CDKAL1: variants seen among roughly 807,000 people sequenced by gnomAD.
The protein encoded by CDKAL1 is threonylcarbamoyladenosine tRNA methylthiotransferase.
A neutral mutation model predicts 68.2 loss-of-function variants in CDKAL1; 32 were observed. That is an observed-to-expected ratio of 0.47 (90% confidence interval 0.35 to 0.63). The LOEUF (loss-of-function observed/expected upper bound fraction) is 0.63. CDKAL1 is among the 30% of genes least tolerant of loss of function. The pLI, the probability that CDKAL1 is intolerant of heterozygous loss-of-function variation, is 0.00. For synonymous variants in CDKAL1, 234 were observed against 244.3 expected, an observed-to-expected ratio of 0.96 and a Z score of 0.39; for missense variants, 606 against 696.7, an observed-to-expected ratio of 0.87 and a Z score of 1.47.
intron 15 of CDKAL1, among the ~76,000 whole-genome samples, chr6:21,207,222 T>A (rs200322220): frequency 1.1e-5 from 1 of 91,634 alleles, no homozygotes; most frequent in South Asian, 2.6e-4. Context: ...CTACTTTAAA[T>A]TTTTTTTTTT....
At chr6:20,824,806 A>G (rs1442633944) in intron 8 of CDKAL1, among the ~76,000 whole-genome samples, 1 of 136,360 alleles carries the variant, frequency 7.3e-6, no homozygotes, top group Non-Finnish European at 1.6e-5. Context: ...TGGAGGCCAT[A>G]TTCCAGTCTG....
At chr6:20,971,585 A>G (rs1765606765) in intron 10 of CDKAL1, among the ~76,000 whole-genome samples, 2 of 152,226 alleles carry the variant, frequency 1.3e-5, no homozygotes, top group Non-Finnish European at 2.9e-5. Flanking sequence ...CATAGAAGTA[A>G]CAGATTTTAG....
chr6:20,924,091 A>G (rs1327996019), intron 9 of CDKAL1, among the ~76,000 whole-genome samples: 2 of 151,178 alleles, frequency 1.3e-5, no homozygotes, highest in African/African-American at 4.9e-5. Flanking sequence ...ACCATTGGTC[A>G]TGTTGTGAAT....
intron 11 of CDKAL1, among the ~76,000 whole-genome samples, chr6:21,036,082 G>A (rs146679112): frequency 6.6e-6 from 1 of 152,250 alleles, no homozygotes; most frequent in African/African-American, 2.4e-5. Flanking sequence ...CTCCAAATTT[G>A]TTTTGGAGTG....
intron 4 of CDKAL1, among the ~76,000 whole-genome samples, chr6:20,564,739 G>A (rs1764392024): frequency 6.6e-6 from 1 of 152,156 alleles, no homozygotes; most frequent in African/African-American, 2.4e-5. Flanking sequence ...ACAGTCCAGT[G>A]ATTAAAACAT....
rs1038446000 is a variant in CDKAL1, at chr6:20,800,406, A to T, written c.638+19141A>T. 3.3e-5 allele frequency among the ~76,000 whole-genome samples: 5 copies of T among 152,210 alleles called. 1 individual carries two copies. Among genetic ancestry groups the T allele is most frequent in the Admixed American group, 3.3e-4 (5 of 15,280 alleles). ...ATGCAAACAAATCTCTAGTTCCAGAAAGCAAATAAGTGAATCCCTGAGGCA... is the reference window on the plus strand; with the variant it reads ...ATGCAAACAAATCTCTAGTTCCAGATAGCAAATAAGTGAATCCCTGAGGCA... On this transcript the variant is annotated intron_variant, in intron 8 of 15. Coordinates refer to ENST00000274695, the MANE Select transcript of CDKAL1 (RefSeq NM_017774.3).
chr6:21,114,669 T>C (rs1296441331), intron 13 of CDKAL1, among the ~76,000 whole-genome samples: 3 of 151,822 alleles, frequency 2.0e-5, no homozygotes, highest in Non-Finnish European at 4.4e-5. Flanking sequence ...AGTCCAGGAG[T>C]TCGAGGCTGC....
At chr6:20,676,237 T>C (rs954125830) in intron 5 of CDKAL1, among the ~76,000 whole-genome samples, 4 of 152,288 alleles carry the variant, frequency 2.6e-5, no homozygotes, top group Admixed American at 2.6e-4. Context: ...GTAGTCTAAA[T>C]GTACAGTGTT....
chr6:21,146,003 A>T (rs1349436249), intron 13 of CDKAL1, among the ~76,000 whole-genome samples: 3 of 152,238 alleles, frequency 2.0e-5, no homozygotes, highest in Non-Finnish European at 4.4e-5. Context: ...GTTCTAGTGG[A>T]CTAGAATGTA....
chr6:20,867,191 C>T (rs1411307799), intron 9 of CDKAL1, among the ~76,000 whole-genome samples: 1 of 152,082 alleles, frequency 6.6e-6, no homozygotes, highest in Non-Finnish European at 1.5e-5. Flanking sequence ...ATTTGTATCT[C>T]AGTGTAATAT....
At chr6:20,664,122 C>G (rs1177558618) in intron 5 of CDKAL1, among the ~76,000 whole-genome samples, 4 of 152,100 alleles carry the variant, frequency 2.6e-5, no homozygotes, top group Non-Finnish European at 4.4e-5. Context: ...AGGATACAAC[C>G]TACACATTCT....
chr6:20,590,933 C>T lies in CDKAL1; in HGVS notation c.286+42228C>T, dbSNP rs533493453. The stretch of plus-strand genomic sequence containing the variant: ...TCTAGATCCTTGAGGAATTGCCACA[C>T]TGTCCTCCACAATGGTTGAACTAAT... On this transcript the variant is annotated intron_variant, in intron 4 of 15. Coordinates refer to ENST00000274695, the MANE Select transcript of CDKAL1 (RefSeq NM_017774.3). Among the ~76,000 whole-genome samples the T allele has an allele frequency of 3.1e-4, 47 of 152,320 alleles. 1 individual carries two copies. The highest frequency in any genetic ancestry group is 5.7e-4 in the Non-Finnish European group (39 of 68,036).
chr6:21,163,561 TG>T (rs1352290817), intron 13 of CDKAL1, among the ~76,000 whole-genome samples: 2 of 152,168 alleles, frequency 1.3e-5, no homozygotes, highest in Admixed American at 6.5e-5. Flanking sequence ...AAATCCTTAC[TG>T]TGGAGGCCTC....
At chr6:20,703,142 T>TGG (rs1240562293) in intron 5 of CDKAL1, among the ~76,000 whole-genome samples, 1 of 152,190 alleles carries the variant, frequency 6.6e-6, no homozygotes, top group African/African-American at 2.4e-5. Context: ...CCTCATAGCT[T>TGG]GGGTTGTTCT....
At chr6:20,941,811 T>G (rs898508613) in intron 9 of CDKAL1, among the ~76,000 whole-genome samples, 3 of 152,224 alleles carry the variant, frequency 2.0e-5, no homozygotes, top group Non-Finnish European at 2.9e-5. Context: ...GTTGGTTTAT[T>G]GTTTTCGTCA....
chr6:20,999,252 G>T (rs1466583940), intron 10 of CDKAL1, among the ~76,000 whole-genome samples: 1 of 151,300 alleles, frequency 6.6e-6, no homozygotes, highest in African/African-American at 2.4e-5. Flanking sequence ...TTTTTTCTTT[G>T]TTTCTTTTCT....
At chr6:21,042,414 C>G (rs899350204) in intron 11 of CDKAL1, among the ~76,000 whole-genome samples, 2 of 152,130 alleles carry the variant, frequency 1.3e-5, no homozygotes, top group Non-Finnish European at 2.9e-5. Context: ...TAGTTCATCC[C>G]TTACACAACT....
chr6:21,102,895 T>G (rs928632346), intron 12 of CDKAL1, among the ~76,000 whole-genome samples: 1 of 152,214 alleles, frequency 6.6e-6, no homozygotes, highest in Non-Finnish European at 1.5e-5. Flanking sequence ...GGCTAACTAC[T>G]TAGGCTCTCT....
intron 9 of CDKAL1, among the ~76,000 whole-genome samples, chr6:20,936,065 G>A (rs1404802095): frequency 4.6e-5 from 7 of 152,140 alleles, no homozygotes; most frequent in African/African-American, 9.6e-5. Context: ...TATCTTTACT[G>A]TATCTAACTT....
Sources: gnomAD v4.1 joint callset for allele counts (sites outside exome capture counted in the v4.1 genomes callset) on GRCh38, gnomAD v4.1.1 for gene constraint, MANE v1.5 for transcripts, NCBI Gene and HGNC (gene_info 2026-07-23, HGNC 2026-07-21) for gene names.